IL17D: variants seen among roughly 807,000 people sequenced by gnomAD.
The protein encoded by IL17D is interleukin-17D.
Under a neutral mutation model 5.7 loss-of-function variants are expected in IL17D, and 10 were observed. That is an observed-to-expected ratio of 1.75 (90% CI 1.08 to 2.97). IL17D has a LOEUF of 2.97. Among genes scored for constraint, IL17D ranks in the 30% most tolerant of loss-of-function variants. The probability of loss-of-function intolerance (pLI) is 0.00; values close to 1 mark genes in which losing one functional copy is unlikely to be tolerated. For missense variants in IL17D, 354 were observed against 292.7 expected, an observed-to-expected ratio of 1.21 and a Z score of -1.53; for synonymous variants, 172 against 141.7, an observed-to-expected ratio of 1.21 and a Z score of -1.52.
At chr13:20,702,816 T>A (rs1168953312), upstream of IL17D, 1 of 152,190 alleles carries the variant, frequency 6.6e-6, no homozygotes, top group Non-Finnish European at 1.5e-5. Context: ...TTTCATGTTG[T>A]TGAGGAGAAA....
In IL17D at chr13:20,716,117, C is replaced by T. The variant is rs1012597680; in HGVS notation, c.291-5519C>T. ...CACATTTTGGAAATCTTGTTTATGCCGCCTTCTTATCTCTTGCAAAGGTTA... is the reference window on the plus strand; with the variant it reads ...CACATTTTGGAAATCTTGTTTATGCTGCCTTCTTATCTCTTGCAAAGGTTA... On this transcript the variant is annotated intron_variant, in intron 1 of 1. Coordinates refer to ENST00000682841, the MANE Select transcript of IL17D (RefSeq NM_001385224.1). This position sits in a 1 kb window ranked among gnomAD's most constrained non-coding sequence, Gnocchi z 4.2. 6.1e-6 allele frequency: 6 copies of T among 984,828 alleles called. No homozygotes were observed. The highest frequency in any genetic ancestry group is 2.3e-4 in the East Asian group (2 of 8,820). The allele number at this position is 984,828 out of a possible 1,614,324, so 61.0% of individuals were successfully genotyped here. A position where few individuals can be genotyped will look rare whatever the true frequency, so the allele number is the denominator to read the frequency against.
intron 1 of IL17D, among the ~76,000 whole-genome samples, chr13:20,714,950 A>G (rs2058667706): frequency 6.6e-6 from 1 of 152,134 alleles, no homozygotes; most frequent in African/African-American, 2.4e-5. Flanking sequence ...CTGGCCAGCC[A>G]CCAGAGCCCT....
At chr13:20,713,727 A>G (rs985294584) in intron 1 of IL17D, 8 of 152,206 alleles carry the variant, frequency 5.3e-5, no homozygotes, top group African/African-American at 1.4e-4. Context: ...CAAATTCAGG[A>G]AGTTCCCCAC....
At chr13:20,718,954 A>ACGCT (rs1268242969) in intron 1 of IL17D, among the ~76,000 whole-genome samples, 1 of 139,942 alleles carries the variant, frequency 7.1e-6, no homozygotes, top group African/African-American at 2.7e-5. Flanking sequence ...ACCTGCCTCC[A>ACGCT]CACACCTGCC....
At chr13:20,720,669 C>T (rs994421672) in intron 1 of IL17D, among the ~76,000 whole-genome samples, 4 of 152,196 alleles carry the variant, frequency 2.6e-5, no homozygotes, top group African/African-American at 9.6e-5. Context: ...GCCACCCCGA[C>T]TGGAAGCCTT....
At chr13:20,703,677 C>G (rs1251624603), upstream of IL17D, 1 of 151,214 alleles carries the variant, frequency 6.6e-6, no homozygotes. Flanking sequence ...CGCAGCAACC[C>G]GGCAGGCACA....
chr13:20,714,862 T>A (rs2058666446), intron 1 of IL17D, among the ~76,000 whole-genome samples: 1 of 152,214 alleles, frequency 6.6e-6, no homozygotes, highest in Non-Finnish European at 1.5e-5. Context: ...CCTTAGCTCA[T>A]GGAAGGAGGG....
intron 1 of IL17D, among the ~76,000 whole-genome samples, chr13:20,711,394 G>A (rs2058636243): frequency 6.6e-6 from 1 of 152,196 alleles, no homozygotes; most frequent in South Asian, 2.1e-4. Context: ...GACAGAGAGG[G>A]AAGGGCGGAA....
intron 1 of IL17D, among the ~76,000 whole-genome samples, chr13:20,705,277 C>G (rs111649574): frequency 1.0e-3 from 133 of 131,572 alleles, no homozygotes; most frequent in African/African-American, 3.7e-3. Context: ...GGGAACAAAG[C>G]GCTTGGAAAA....
chr13:20,719,366 CAT>C (rs1344724159), intron 1 of IL17D, among the ~76,000 whole-genome samples: 1 of 149,380 alleles, frequency 6.7e-6, no homozygotes, highest in South Asian at 2.1e-4. Context: ...TACTCACACA[CAT>C]GCCCACGCTC....
At chr13:20,703,376 A>G, upstream of IL17D, 1 of 986,194 alleles carries the variant, frequency 1.0e-6, no homozygotes, top group Non-Finnish European at 1.2e-6. Flanking sequence ...CGAAAGGTGC[A>G]GAGTCGCTCT....
chr13:20,710,451 T>TAAAAAAAAA (rs60458842), intron 1 of IL17D, among the ~76,000 whole-genome samples: 1 of 83,478 alleles, frequency 1.2e-5, no homozygotes, highest in Non-Finnish European at 2.3e-5. Context: ...CCATCTCTAC[T>TAAAAAAAAA]AAAAAAAAAA....
chr13:20,714,052 C>T (rs1216504494), intron 1 of IL17D: 2 of 152,270 alleles, frequency 1.3e-5, no homozygotes, highest in Non-Finnish European at 2.9e-5. Context: ...GAGAGTTAAG[C>T]CACCCCGTGG....
At chr13:20,713,068 T>C (rs2058652915) in intron 1 of IL17D, 1 of 152,014 alleles carries the variant, frequency 6.6e-6, no homozygotes, top group Non-Finnish European at 1.5e-5. Flanking sequence ...TATTTTCTAA[T>C]GTCTTAAAGC....
intron 1 of IL17D, chr13:20,712,739 G>A (rs966266789): frequency 3.3e-5 from 5 of 151,310 alleles, no homozygotes; most frequent in Admixed American, 2.0e-4. Flanking sequence ...CCACTGTCTT[G>A]AGCACCGGCT....
intron 1 of IL17D, chr13:20,717,071 C>G: frequency 6.6e-6 from 1 of 152,246 alleles, no homozygotes; most frequent in Non-Finnish European, 1.5e-5. Context: ...TTTTCTGTCT[C>G]TGCTGTCACT....
chr13:20,716,139 G>T lies in IL17D; in HGVS notation c.291-5497G>T. The T allele has an allele frequency of 3.1e-6, 3 of 983,450 alleles. No homozygotes were observed. Among genetic ancestry groups the T allele is most frequent in the Non-Finnish European group, 3.6e-6 (3 of 828,176 alleles). 60.9% of individuals were successfully genotyped at this position (983,450 alleles called of 1,614,324 possible). A position where few individuals can be genotyped will look rare whatever the true frequency, so the allele number is the denominator to read the frequency against. ...TGCCGCCTTCTTATCTCTTGCAAAG[G>T]TTAGTGTTTTTCACAGGACTCTCAG... On this transcript the variant is annotated intron_variant, in intron 1 of 1. Transcript: ENST00000682841. This position sits in a 1 kb window ranked among gnomAD's most constrained non-coding sequence, Gnocchi z 4.2.
Position 20,721,728 on chromosome 13 carries a change from A to G in IL17D, c.383A>G (p.Asp128Gly). The G allele has an allele frequency of 6.2e-7, 1 of 1,611,048 alleles. No individual in the cohort carries two copies. The highest frequency in any genetic ancestry group is 8.5e-7 in the Non-Finnish European group (1 of 1,179,478). Reference sequence around the variant, plus strand: ...CTGACCGGGCTGTTCGGCGAGGAGGACGTGCGCTTCCGCAGCGCCCCTGTC... The same window carrying G: ...CTGACCGGGCTGTTCGGCGAGGAGGGCGTGCGCTTCCGCAGCGCCCCTGTC... ...GCLTGLFGEE[D>G]VRFRSAPVYM... Residue 128 changes from aspartate to glycine, a missense_variant, in exon 2 of 2, where the codon GAC (aspartate) becomes GGC (glycine). Physicochemically the swap from Asp to Gly is moderately conservative, Grantham distance 94. Coordinates refer to ENST00000682841, the MANE Select transcript of IL17D (RefSeq NM_001385224.1).
intron 1 of IL17D, among the ~76,000 whole-genome samples, chr13:20,712,215 T>C (rs1043989851): frequency 7.2e-5 from 11 of 152,250 alleles, no homozygotes; most frequent in Non-Finnish European, 1.5e-4. Context: ...TTAAAAAATT[T>C]ATCTAAGGGG....
Sources: gnomAD v4.1 joint callset for allele counts (sites outside exome capture counted in the v4.1 genomes callset) on GRCh38, gnomAD v4.1.1 for gene constraint, Gnocchi (gnomAD v3.1) non-coding constraint, MANE v1.5 for transcripts, NCBI Gene and HGNC (gene_info 2026-07-23, HGNC 2026-07-21) for gene names.